The following CELF5 variants were observed in gnomAD, a reference collection of about 807,000 sequenced individuals.
CELF5 encodes CUG-BP and ETR-3 like factor 5.
CELF5 carries 6 observed loss-of-function variants against 54.9 expected under a neutral mutation model. That is an observed-to-expected ratio of 0.11 (90% CI 0.06 to 0.22). The LOEUF (loss-of-function observed/expected upper bound fraction) is 0.22, where lower values mean the gene tolerates loss of function less well. Among genes scored for constraint, CELF5 ranks in the 10% least tolerant of loss-of-function variants. CELF5 has a pLI of 1.00. For synonymous variants in CELF5, 271 were observed against 290.9 expected, an observed-to-expected ratio of 0.93 and a Z score of 0.70; for missense variants, 401 against 678.6, an observed-to-expected ratio of 0.59 and a Z score of 4.54.
chr19:3,296,434 G>GAAAAAAAAA (rs5826810), intron 12 of CELF5: 3 of 54,862 alleles, frequency 5.5e-5, no homozygotes, highest in South Asian at 9.1e-4. Context: ...AAACCACACA[G>GAAAAAAAAA]AAAAAAAAAA....
intron 9 of CELF5, among the ~76,000 whole-genome samples, chr19:3,285,201 A>T (rs7260643): frequency 6.6e-6 from 1 of 151,748 alleles, no homozygotes; most frequent in Non-Finnish European, 1.5e-5. Flanking sequence ...TTGTCCTTTA[A>T]GGACAGCGCT....
chr19:3,240,535 C>T (rs938334032), intron 1 of CELF5, among the ~76,000 whole-genome samples: 9 of 151,860 alleles, frequency 5.9e-5, no homozygotes, highest in African/African-American at 2.2e-4. Context: ...ACCGTGTTGG[C>T]CAGGCTGGTC....
chr19:3,291,688 G>C (rs60212935), intron 11 of CELF5, among the ~76,000 whole-genome samples: 81,746 of 150,242 alleles, frequency 0.54, 23,565 homozygotes, highest in Middle Eastern at 0.67. Context: ...GAGGCAGGAC[G>C]GCGCCTGACA....
chr19:3,290,493 AC>A (rs1004926598), intron 11 of CELF5, 119 bp downstream of exon 11: 1 of 1,127,086 alleles, frequency 8.9e-7, no homozygotes, highest in Non-Finnish European at 1.3e-6. Flanking sequence ...CACAATCAGA[AC>A]CAGCCTGTGG....
At chr19:3,262,943 A>C (rs1426016727) in intron 2 of CELF5, among the ~76,000 whole-genome samples, 1 of 150,276 alleles carries the variant, frequency 6.7e-6, no homozygotes, top group South Asian at 2.1e-4. Context: ...TGTCTCAAAA[A>C]ATTTTTAAAA....
At chr19:3,296,452 A>AAAAAAAAAAG (rs2080452740) in intron 12 of CELF5, 1 of 141,392 alleles carries the variant, frequency 7.1e-6, no homozygotes, top group Non-Finnish European at 1.6e-5. Flanking sequence ...AAAAAAAAAA[A>AAAAAAAAAAG]AAAAGAAAAG....
chr19:3,292,716 GAA>G (rs2080372105), intron 11 of CELF5, among the ~76,000 whole-genome samples: 1 of 152,126 alleles, frequency 6.6e-6, no homozygotes, highest in African/African-American at 2.4e-5. Context: ...GAGAACGAGA[GAA>G]AGAGGGGAGG....
At chr19:3,256,065 A>G (rs1466467555) in intron 2 of CELF5, among the ~76,000 whole-genome samples, 2 of 123,816 alleles carry the variant, frequency 1.6e-5, no homozygotes, top group Non-Finnish European at 3.4e-5. Context: ...ACCCTGTCTC[A>G]AAAAAAAAGG....
chr19:3,277,346 G>A (rs113143051), intron 4 of CELF5, among the ~76,000 whole-genome samples: 4 of 152,094 alleles, frequency 2.6e-5, no homozygotes, highest in African/African-American at 9.7e-5. Flanking sequence ...GGTGGCAGGC[G>A]CCTGTAATCC....
chr19:3,283,011 A>T (rs1279158121), intron 8 of CELF5, among the ~76,000 whole-genome samples: 1 of 151,886 alleles, frequency 6.6e-6, no homozygotes, highest in East Asian at 1.9e-4. Flanking sequence ...TTGTAGTTTT[A>T]GTAGAGATGG....
chr19:3,270,041 T>C (rs2079935762), intron 2 of CELF5, among the ~76,000 whole-genome samples: 2 of 152,146 alleles, frequency 1.3e-5, no homozygotes, highest in African/African-American at 4.8e-5. Context: ...AAACTCCGAC[T>C]CCTACTCCAA....
chr19:3,225,043 C>T, intron 1 of CELF5, 45 bp downstream of exon 1: 1 of 1,272,282 alleles, frequency 7.9e-7, no homozygotes, highest in Non-Finnish European at 1.1e-6. Context: ...CCTCCGCCTC[C>T]CACCCCACCT....
intron 1 of CELF5, among the ~76,000 whole-genome samples, chr19:3,244,268 G>C (rs1318975963): frequency 6.6e-6 from 1 of 152,000 alleles, no homozygotes; most frequent in Admixed American, 6.6e-5. Context: ...GGGCCTGTGC[G>C]TGCGAGTGTG....
At chr19:3,274,892 T>G (rs1249303752) in intron 3 of CELF5, among the ~76,000 whole-genome samples, 1 of 151,934 alleles carries the variant, frequency 6.6e-6, no homozygotes, top group East Asian at 1.9e-4. Context: ...CATTTTTGTC[T>G]CTATTTCTCT....
At chr19:3,257,516 C>T (rs1470678921) in intron 2 of CELF5, among the ~76,000 whole-genome samples, 5 of 151,854 alleles carry the variant, frequency 3.3e-5, no homozygotes, top group Admixed American at 3.3e-4. Context: ...ACTCTTGTTG[C>T]CCAGGCTGGA....
chr19:3,276,059 G>A lies in CELF5; in HGVS notation c.523+75G>A, dbSNP rs954653666. On this transcript the variant is annotated intron_variant, in intron 4 of 12. Coordinates refer to ENST00000292672, the MANE Select transcript of CELF5 (RefSeq NM_021938.4). ...TGGGGGCGGGGCCTGTGGGGAGGGT[G>A]GGGCCTGCAGCATGGGGAGGAGCTG... is the stretch of plus-strand genomic sequence containing the variant. 4 of 1,003,612 alleles carry A rather than the reference G, an allele frequency of 4.0e-6. No homozygotes were observed. The African/African-American group carries it at 6.6e-5, about 17-fold the overall frequency. The allele number at this position is 1,003,612 out of a possible 1,614,324, so 62.2% of individuals were successfully genotyped here.
intron 11 of CELF5, among the ~76,000 whole-genome samples, 173 bp downstream of exon 11, chr19:3,290,547 G>C (rs1013286946): frequency 7.0e-6 from 1 of 143,426 alleles, no homozygotes; most frequent in Non-Finnish European, 1.5e-5. Flanking sequence ...CACTTTGTTT[G>C]TTTTGGTTTG....
At chr19:3,246,368 TCTCTCTCTCTCTGG>T (rs972835490) in intron 1 of CELF5, among the ~76,000 whole-genome samples, 7 of 148,652 alleles carry the variant, frequency 4.7e-5, no homozygotes, top group African/African-American at 1.7e-4. Context: ...AGTCTCTCTC[TCTCTCTCTCTCTGG>T]CTCTCTCTCT....
intron 8 of CELF5, among the ~76,000 whole-genome samples, chr19:3,284,156 G>A (rs2080196094): frequency 6.6e-6 from 1 of 151,842 alleles, no homozygotes; most frequent in African/African-American, 2.4e-5. Context: ...CTGATTTCAC[G>A]AGTTTTTGTA....
Sources: allele counts gnomAD v4.1 joint callset (sites outside exome capture counted in the v4.1 genomes callset), GRCh38; gene constraint gnomAD v4.1.1; transcripts MANE v1.5; gene names NCBI Gene and HGNC (gene_info 2026-07-23, HGNC 2026-07-21).